Variants in NFIB observed in about 807,000 individuals in gnomAD.
NFIB encodes nuclear factor 1 B-type.
Under a neutral mutation model 61.5 loss-of-function variants are expected in NFIB, and 11 were observed. The observed-to-expected ratio is 0.18, with a 90% CI of 0.11 to 0.30. The LOEUF is 0.30. Ranked by LOEUF, NFIB falls within the 10% of genes least tolerant of loss-of-function variation. The pLI is 1.00. For synonymous variants in NFIB, 260 were observed against 216.5 expected (o/e 1.20, Z -1.76); for missense variants, 471 against 608.9 (o/e 0.77, Z 2.38).
At chr9:14,517,747 C>T in the NFIB span, among the ~76,000 whole-genome samples, 4 of 151,990 alleles carry the variant, frequency 2.6e-5, no homozygotes, top group African/African-American at 9.7e-5. Context: ...TTTTTTTCTG[C>T]CTAATTTAAG....
chr9:14,228,471 C>T (rs900332545), intron 2 of NFIB, among the ~76,000 whole-genome samples: 31 of 152,128 alleles, frequency 2.0e-4, no homozygotes, highest in African/African-American at 6.5e-4. Context: ...CTCCCAGAAC[C>T]GCATCCGGCC....
chr9:14,135,040 C>T (rs555607537), intron 6 of NFIB, among the ~76,000 whole-genome samples: 18 of 151,610 alleles, frequency 1.2e-4, no homozygotes, highest in Non-Finnish European at 2.9e-5. Context: ...TAGAACGCAC[C>T]GAAATGCAGA....
chr9:14,278,877 A>G (rs1480950808), intron 2 of NFIB, among the ~76,000 whole-genome samples: 1 of 151,930 alleles, frequency 6.6e-6, no homozygotes, highest in East Asian at 1.9e-4. Flanking sequence ...TACTGAGGGG[A>G]AAAAAATGTG....
At chr9:14,315,862 C>T (rs1339942799), upstream of NFIB, among the ~76,000 whole-genome samples, 1 of 151,890 alleles carries the variant, frequency 6.6e-6, no homozygotes, top group Non-Finnish European at 1.5e-5. Flanking sequence ...GGCTCCGAGT[C>T]TACCTAGCTG....
chr9:14,406,606 C>A, the NFIB span, among the ~76,000 whole-genome samples: 1 of 152,288 alleles, frequency 6.6e-6, no homozygotes, highest in African/African-American at 2.4e-5. Flanking sequence ...CAGAGACAAG[C>A]TAGCTGTTCC....
intron 4 of NFIB, among the ~76,000 whole-genome samples, chr9:14,151,492 A>AC (rs140781906): frequency 0.041 from 6,209 of 152,154 alleles, 321 homozygotes; most frequent in East Asian, 0.26. Flanking sequence ...ACACATAAAT[A>AC]CCAAAATAGA....
At chr9:14,490,471 A>T in the NFIB span, among the ~76,000 whole-genome samples, 1 of 152,176 alleles carries the variant, frequency 6.6e-6, no homozygotes, top group Non-Finnish European at 1.5e-5. Flanking sequence ...ACATTTGATT[A>T]TGTTAAACAG....
the NFIB span, among the ~76,000 whole-genome samples, chr9:14,515,652 A>G: frequency 1.1e-4 from 16 of 152,030 alleles, no homozygotes; most frequent in African/African-American, 3.9e-4. Flanking sequence ...ATGCCTCTGA[A>G]CGTCTGAGGC....
At chr9:14,441,036 T>C in the NFIB span, among the ~76,000 whole-genome samples, 4 of 151,810 alleles carry the variant, frequency 2.6e-5, no homozygotes, top group South Asian at 2.1e-4. Context: ...GCCAGATTTT[T>C]ACCCTAGGTA....
chr9:14,429,539 C>T, the NFIB span, among the ~76,000 whole-genome samples: 31 of 152,178 alleles, frequency 2.0e-4, no homozygotes, highest in African/African-American at 7.5e-4. Flanking sequence ...TTAGGAGCAC[C>T]GGCAGAATTG....
chr9:14,152,263 T>A (rs114154428), intron 4 of NFIB, among the ~76,000 whole-genome samples: 1,819 of 152,244 alleles, frequency 0.012, 40 homozygotes, highest in African/African-American at 0.042. Flanking sequence ...AAAATACTTG[T>A]ATCCAATGAG....
At chr9:14,299,089 C>A (rs916704313) in intron 2 of NFIB, among the ~76,000 whole-genome samples, 9 of 152,202 alleles carry the variant, frequency 5.9e-5, no homozygotes, top group Admixed American at 2.6e-4. Context: ...GTATAGACTT[C>A]ATATTGACGT....
intron 2 of NFIB, among the ~76,000 whole-genome samples, chr9:14,282,548 T>A (rs2058440647): frequency 1.3e-5 from 2 of 152,252 alleles, no homozygotes; most frequent in Admixed American, 1.3e-4. Context: ...AAATGGCAGT[T>A]GATAAACATA....
chr9:14,516,622 T>C, the NFIB span, among the ~76,000 whole-genome samples: 2 of 152,234 alleles, frequency 1.3e-5, no homozygotes, highest in Admixed American at 6.5e-5. Context: ...CTTAGTTTTC[T>C]TCCAATTAGA....
intron 2 of NFIB, among the ~76,000 whole-genome samples, chr9:14,244,360 C>T (rs2054663933): frequency 6.6e-6 from 1 of 152,174 alleles, no homozygotes; most frequent in South Asian, 2.1e-4. Flanking sequence ...TACCATATAC[C>T]AGTGCAGTCA....
At chr9:14,517,358 AC>A in the NFIB span, among the ~76,000 whole-genome samples, 1 of 152,028 alleles carries the variant, frequency 6.6e-6, no homozygotes, top group Non-Finnish European at 1.5e-5. Flanking sequence ...TGCTTTCTGT[AC>A]CCTTTGGGCC....
In NFIB at chr9:14,086,806, T is replaced by C. The variant is rs1295106443; in HGVS notation, c.*1503A>G. ...TTTTTTTTTTTTTGTTTTTTGTTTTTTAGATTTCAAGGCAAGGCACGTAAT... is the reference window on the plus strand; with the variant it reads ...TTTTTTTTTTTTTGTTTTTTGTTTTCTAGATTTCAAGGCAAGGCACGTAAT... On this transcript the variant is annotated 3_prime_UTR_variant, in exon 11 of 11. Transcript: ENST00000380953. 1 of 206,728 alleles carries C rather than the reference T, an allele frequency of 4.8e-6. No homozygotes were observed. Among genetic ancestry groups the C allele is most frequent in the Non-Finnish European group, 9.9e-6 (1 of 101,122 alleles). 12.8% of individuals were successfully genotyped at this position (206,728 alleles called of 1,614,324 possible).
the NFIB span, among the ~76,000 whole-genome samples, chr9:14,450,516 A>G: frequency 1.3e-5 from 2 of 152,158 alleles, no homozygotes; most frequent in African/African-American, 4.8e-5. Flanking sequence ...AAGATCATTT[A>G]TTCTGTACTT....
chr9:14,210,934 TAGGAAAGTAA>T (rs1467285685), intron 2 of NFIB, among the ~76,000 whole-genome samples: 2 of 152,186 alleles, frequency 1.3e-5, no homozygotes, highest in South Asian at 2.1e-4. Flanking sequence ...CCTTTGATTA[TAGGAAAGTAA>T]AGGAAAGTCT....
Sources: gnomAD v4.1 joint callset for allele counts (sites outside exome capture counted in the v4.1 genomes callset) on GRCh38, gnomAD v4.1.1 for gene constraint, MANE v1.5 for transcripts, NCBI Gene and HGNC (gene_info 2026-07-23, HGNC 2026-07-21) for gene names.